PDXDC1: variants seen among roughly 807,000 people sequenced by gnomAD.
PDXDC1 encodes pyridoxal-dependent decarboxylase domain-containing protein 1.
Under a neutral mutation model 100.1 loss-of-function variants are expected in PDXDC1, and 42 were observed. The observed-to-expected ratio is 0.42, with a 90% confidence interval of 0.33 to 0.54. The LOEUF (loss-of-function observed/expected upper bound fraction) is 0.54, where lower values mean the gene tolerates loss of function less well. PDXDC1 is among the 20% of genes least tolerant of loss of function. The pLI, the probability that PDXDC1 is intolerant of heterozygous loss-of-function variation, is 0.10. For synonymous variants in PDXDC1, 260 were observed against 371.7 expected, an observed-to-expected ratio of 0.70 and a Z score of 3.46; for missense variants, 636 against 979.2, an observed-to-expected ratio of 0.65 and a Z score of 4.68.
downstream of PDXDC1, among the ~76,000 whole-genome samples, chr16:15,042,087 T>G (rs2043841464): frequency 6.6e-6 from 1 of 152,172 alleles, no homozygotes; most frequent in South Asian, 2.1e-4. Flanking sequence ...AGGAAGTCGG[T>G]TTTTAATGTC....
Position 15,130,538 on chromosome 16 carries a change from C to A in PDXDC1, c.1400-8341C>A. 1.1e-5 allele frequency: 14 copies of A among 1,321,932 alleles called. No individual in the cohort carries two copies. The South Asian group carries it at 1.5e-4, about 14-fold the overall frequency. The allele number at this position is 1,321,932 out of a possible 1,614,324, so 81.9% of individuals were successfully genotyped here. ...TCCCAGAGCCCATACCCGGTCCAGT[C>A]CCCTCGCTGCCTGCCGTCCCCACAG... On this transcript the variant is annotated intron_variant, in intron 16 of 16. Coordinates refer to the PDXDC1 transcript ENST00000535621.
intron 16 of PDXDC1, among the ~76,000 whole-genome samples, chr16:15,124,457 A>G (rs565426872): frequency 6.6e-6 from 1 of 152,108 alleles, no homozygotes; most frequent in Non-Finnish European, 1.5e-5. Flanking sequence ...ATAGAAAAAC[A>G]ACCCTAAGAA....
At chr16:15,093,858 A>G (rs1277895563) in intron 16 of PDXDC1, 4 of 465,556 alleles carry the variant, frequency 8.6e-6, no homozygotes, top group Non-Finnish European at 1.5e-5. Flanking sequence ...GGGAAGGAAG[A>G]GGGGTCAAGG....
chr16:15,122,247 T>G (rs934160956), intron 16 of PDXDC1, among the ~76,000 whole-genome samples: 4 of 151,248 alleles, frequency 2.6e-5, no homozygotes, highest in African/African-American at 7.3e-5. Context: ...TCCGTTTTGT[T>G]TGTTAGAGAC....
At chr16:15,140,666 C>T (rs1247645523), downstream of PDXDC1, among the ~76,000 whole-genome samples, 1 of 152,110 alleles carries the variant, frequency 6.6e-6, no homozygotes, top group Non-Finnish European at 1.5e-5. Flanking sequence ...GCCCGAGTTA[C>T]AAACCAGGTC....
intron 12 of PDXDC1, among the ~76,000 whole-genome samples, chr16:15,021,859 G>A (rs1201851045): frequency 3.9e-5 from 6 of 152,226 alleles, no homozygotes; most frequent in Admixed American, 6.5e-5. Context: ...CTTCTTTCTC[G>A]TCTTCAGTAG....
chr16:15,148,048 G>C, the PDXDC1 span, among the ~76,000 whole-genome samples: 1 of 151,486 alleles, frequency 6.6e-6, no homozygotes. Context: ...GAGTGCAGTG[G>C]CACCATCACA....
intron 16 of PDXDC1, chr16:15,104,770 A>G (rs1357860484): frequency 2.5e-6 from 4 of 1,593,708 alleles, no homozygotes; most frequent in Non-Finnish European, 3.4e-6. Flanking sequence ...TGTAGGGCCA[A>G]AGGAGGGAAT....
chr16:14,980,330 CTG>C (rs1967670827), intron 1 of PDXDC1, among the ~76,000 whole-genome samples: 1 of 152,248 alleles, frequency 6.6e-6, no homozygotes, highest in East Asian at 1.9e-4. Flanking sequence ...GAATCTTGCT[CTG>C]TCACCCAGGC....
At chr16:15,060,978 C>T (rs2044688578) in intron 16 of PDXDC1, 1 of 152,248 alleles carries the variant, frequency 6.6e-6, no homozygotes, top group Non-Finnish European at 1.5e-5. Flanking sequence ...AGCCCGAACT[C>T]ACTTTCAGTC....
chr16:15,142,841 G>A (rs897772753), downstream of PDXDC1, among the ~76,000 whole-genome samples: 105 of 152,068 alleles, frequency 6.9e-4, 1 homozygote, highest in Non-Finnish European at 1.2e-3. Context: ...AAGGATGGGG[G>A]ACACAGCAGG....
At chr16:15,059,382 A>G (rs1419100347) in intron 16 of PDXDC1, among the ~76,000 whole-genome samples, 1 of 152,242 alleles carries the variant, frequency 6.6e-6, no homozygotes, top group East Asian at 1.9e-4. Context: ...TTTAACCAAA[A>G]AAAACTTCCC....
chr16:15,031,137 C>CTTTTTTTTT (rs1270155714), intron 16 of PDXDC1, among the ~76,000 whole-genome samples: 8 of 114,220 alleles, frequency 7.0e-5, no homozygotes, highest in Non-Finnish European at 1.2e-4. Flanking sequence ...TTTTTTTTTC[C>CTTTTTTTTT]ATAGAGACGT....
At chr16:14,985,281 C>CTTTTTTTTTTTTTTTTTT (rs769346480) in intron 1 of PDXDC1, among the ~76,000 whole-genome samples, 1 of 114,508 alleles carries the variant, frequency 8.7e-6, no homozygotes, top group African/African-American at 3.2e-5. Flanking sequence ...TGATAAACAA[C>CTTTTTTTTTTTTTTTTTT]TTTTTTTTTT....
downstream of PDXDC1, among the ~76,000 whole-genome samples, chr16:15,143,060 G>T (rs1033188699): frequency 2.0e-5 from 3 of 152,160 alleles, no homozygotes; most frequent in African/African-American, 7.2e-5. Context: ...CAGGGAAGCT[G>T]AAGCCAAGCT....
intron 16 of PDXDC1, among the ~76,000 whole-genome samples, chr16:15,123,048 C>A (rs900326748): frequency 6.6e-6 from 1 of 150,502 alleles, no homozygotes; most frequent in African/African-American, 2.4e-5. Context: ...GGCAAGGGAG[C>A]GTGAGGCTTA....
intron 16 of PDXDC1, chr16:15,135,911 A>G (rs2048327140): frequency 3.2e-6 from 5 of 1,586,304 alleles, no homozygotes; most frequent in Non-Finnish European, 4.3e-6. Context: ...CAGCCGCGGC[A>G]GCACCAGCTG....
intron 16 of PDXDC1, among the ~76,000 whole-genome samples, chr16:15,106,770 AAAAC>A (rs1338400821): frequency 2.2e-5 from 2 of 92,226 alleles, no homozygotes; most frequent in Non-Finnish European, 2.9e-5. Flanking sequence ...AACAAAAACA[AAAAC>A]AAAAAAACTG....
chr16:14,992,135 C>T (rs1409484209), intron 1 of PDXDC1, among the ~76,000 whole-genome samples: 10 of 152,384 alleles, frequency 6.6e-5, no homozygotes, highest in Middle Eastern at 3.4e-3. Context: ...AAATGGCAGC[C>T]GCAACAACTG....
Sources: gnomAD v4.1 joint callset for allele counts (sites outside exome capture counted in the v4.1 genomes callset) on GRCh38, gnomAD v4.1.1 for gene constraint, MANE v1.5 for transcripts, NCBI Gene and HGNC (gene_info 2026-07-23, HGNC 2026-07-21) for gene names.